TRMT11: variants seen among roughly 807,000 people sequenced by gnomAD.
The protein encoded by TRMT11 is tRNA (guanine(10)-N(2))-methyltransferase TRMT11.
TRMT11 carries 53 observed loss-of-function variants against 62.8 expected under a neutral mutation model. The observed-to-expected ratio is 0.84, with a 90% CI of 0.68 to 1.06. The LOEUF (loss-of-function observed/expected upper bound fraction) is 1.06. Ranked by LOEUF, TRMT11 falls within the 50% of genes least tolerant of loss-of-function variation. The pLI is 0.00. For missense variants in TRMT11, 556 were observed against 553.4 expected (o/e 1.00, Z -0.05); for synonymous variants, 188 against 190.3 (o/e 0.99, Z 0.10).
chr6:126,129,022 C>G (rs1315290377), intron 21 of TRMT11, among the ~76,000 whole-genome samples: 2 of 150,804 alleles, frequency 1.3e-5, no homozygotes, highest in Admixed American at 6.6e-5. Flanking sequence ...GGTCAGGACA[C>G]CTGGGTCTAG....
At chr6:125,991,268 T>A (rs1301112644) in intron 1 of TRMT11, among the ~76,000 whole-genome samples, 1 of 151,816 alleles carries the variant, frequency 6.6e-6, no homozygotes, top group Non-Finnish European at 1.5e-5. Flanking sequence ...AAAATTTTTT[T>A]TGGAGACTGT....
the TRMT11 span, among the ~76,000 whole-genome samples, chr6:126,244,820 C>T: frequency 7.2e-5 from 11 of 152,168 alleles, no homozygotes; most frequent in Admixed American, 5.2e-4. Flanking sequence ...TGGTTAAAAA[C>T]GTGGGTTTTG....
At chr6:126,003,620 T>C (rs1281108611) in intron 7 of TRMT11, among the ~76,000 whole-genome samples, 1 of 152,094 alleles carries the variant, frequency 6.6e-6, no homozygotes. Flanking sequence ...TTTGTATGTC[T>C]ATGGTTACGA....
In TRMT11 at chr6:126,103,210, G is replaced by A. The variant is rs531517603; in HGVS notation, c.*1438-9656G>A. On this transcript the variant is annotated intron_variant and NMD_transcript_variant, in intron 17 of 22. Coordinates refer to the TRMT11 transcript ENST00000648977. ...GGCAATTGATCATAAATGGTCCTAC[G>A]CTAATTCTCATTTGTCATATGATAT... Among the ~76,000 whole-genome samples the A allele has an allele frequency of 7.9e-5, 12 of 152,230 alleles. No individual in the cohort carries two copies. The South Asian group carries it at 1.2e-3, about 16-fold the overall frequency.
intron 18 of TRMT11, among the ~76,000 whole-genome samples, chr6:126,114,498 A>T (rs1301619647): frequency 6.6e-6 from 1 of 152,082 alleles, no homozygotes; most frequent in Non-Finnish European, 1.5e-5. Flanking sequence ...TGCATGACCC[A>T]AGATTTTGGA....
At chr6:126,018,952 C>G (rs2127977179) in intron 11 of TRMT11, among the ~76,000 whole-genome samples, 1 of 152,200 alleles carries the variant, frequency 6.6e-6, no homozygotes, top group East Asian at 1.9e-4. Context: ...GTGATCTCGG[C>G]TCACTACAAC....
intron 21 of TRMT11, among the ~76,000 whole-genome samples, chr6:126,120,097 A>T (rs1379248446): frequency 1.3e-5 from 2 of 151,994 alleles, no homozygotes; most frequent in Non-Finnish European, 2.9e-5. Context: ...AACATGGTGA[A>T]ATTTCATCAC....
the TRMT11 span, chr6:126,258,053 C>G: frequency 3.2e-6 from 4 of 1,257,166 alleles, no homozygotes; most frequent in Non-Finnish European, 4.7e-6. Flanking sequence ...CATCCTCACT[C>G]TCCATGTCCA....
intron 21 of TRMT11, among the ~76,000 whole-genome samples, chr6:126,166,345 T>C (rs967228018): frequency 6.6e-6 from 1 of 152,216 alleles, no homozygotes; most frequent in Non-Finnish European, 1.5e-5. Flanking sequence ...TTTGCTGATG[T>C]TGATGCTATT....
chr6:126,217,290 T>C, the TRMT11 span, among the ~76,000 whole-genome samples: 1 of 152,214 alleles, frequency 6.6e-6, no homozygotes, highest in Non-Finnish European at 1.5e-5. Flanking sequence ...TTGATGCTTA[T>C]GTAAATTTGT....
chr6:126,096,778 T>C (rs1372302829), intron 17 of TRMT11, among the ~76,000 whole-genome samples: 1 of 152,194 alleles, frequency 6.6e-6, no homozygotes, highest in Admixed American at 6.5e-5. Context: ...CTATAAATAG[T>C]TTTTGGCTTG....
At chr6:126,121,741 G>C (rs534142121) in intron 21 of TRMT11, among the ~76,000 whole-genome samples, 1 of 152,156 alleles carries the variant, frequency 6.6e-6, no homozygotes, top group South Asian at 2.1e-4. Context: ...ATCATGTCCA[G>C]GACAATTTAT....
intron 21 of TRMT11, among the ~76,000 whole-genome samples, chr6:126,147,166 G>A (rs1777983583): frequency 6.6e-6 from 1 of 152,196 alleles, no homozygotes; most frequent in Non-Finnish European, 1.5e-5. Context: ...TTCAAAAGAG[G>A]AGGTCAGGGG....
At chr6:126,095,510 A>G (rs908535291) in intron 17 of TRMT11, among the ~76,000 whole-genome samples, 1 of 152,172 alleles carries the variant, frequency 6.6e-6, no homozygotes, top group Non-Finnish European at 1.5e-5. Flanking sequence ...CTTTCTTTGC[A>G]GTATAACCTT....
At chr6:126,174,125 C>T (rs1221885067), upstream of TRMT11, among the ~76,000 whole-genome samples, 2 of 152,150 alleles carry the variant, frequency 1.3e-5, no homozygotes, top group African/African-American at 4.8e-5. Flanking sequence ...CTTTCTGCAG[C>T]CTCTCACTCC....
chr6:126,025,622 G>A (rs895248222), intron 12 of TRMT11, among the ~76,000 whole-genome samples: 2 of 152,116 alleles, frequency 1.3e-5, no homozygotes, highest in Non-Finnish European at 2.9e-5. Flanking sequence ...TGTGTGGAGA[G>A]GAATGTATAT....
chr6:126,222,429 A>AT, the TRMT11 span, among the ~76,000 whole-genome samples: 1 of 151,530 alleles, frequency 6.6e-6, no homozygotes, highest in Non-Finnish European at 1.5e-5. Context: ...AACAATATTG[A>AT]TTTTTCCTAT....
At chr6:126,070,933 G>A (rs903385525) in intron 17 of TRMT11, among the ~76,000 whole-genome samples, 1 of 152,304 alleles carries the variant, frequency 6.6e-6, no homozygotes, top group South Asian at 2.1e-4. Context: ...TACGCCATTC[G>A]CTGTGCCTGG....
At chr6:126,076,168 T>C (rs1777017280) in intron 17 of TRMT11, among the ~76,000 whole-genome samples, 1 of 152,132 alleles carries the variant, frequency 6.6e-6, no homozygotes, top group Non-Finnish European at 1.5e-5. Context: ...AGTGATGTCT[T>C]CTATCTTTTC....
Sources: allele counts gnomAD v4.1 joint callset (sites outside exome capture counted in the v4.1 genomes callset), GRCh38; gene constraint gnomAD v4.1.1; transcripts MANE v1.5; gene names NCBI Gene and HGNC (gene_info 2026-07-23, HGNC 2026-07-21).